EXOC6: variants seen among roughly 807,000 people sequenced by gnomAD.
EXOC6 encodes exocyst complex component 6.
Under a neutral mutation model 112.5 loss-of-function variants are expected in EXOC6, and 60 were observed. The observed-to-expected ratio is 0.53, with a 90% CI of 0.43 to 0.66. The LOEUF (loss-of-function observed/expected upper bound fraction) is 0.66, where lower values mean the gene tolerates loss of function less well. Ranked by LOEUF, EXOC6 falls within the 30% of genes least tolerant of loss-of-function variation. The probability of loss-of-function intolerance (pLI) is 0.00; values close to 1 mark genes in which losing one functional copy is unlikely to be tolerated. For synonymous variants in EXOC6, 295 were observed against 308.0 expected (o/e 0.96, Z 0.44); for missense variants, 855 against 957.1 (o/e 0.89, Z 1.41).
At chr10:92,874,448 C>G (rs534854874) in intron 1 of EXOC6, among the ~76,000 whole-genome samples, 3 of 152,154 alleles carry the variant, frequency 2.0e-5, no homozygotes, top group African/African-American at 7.2e-5. Context: ...AGATTGAGAG[C>G]TAAGATGATC....
At chr10:93,043,127 G>T (rs1267470374) in intron 20 of EXOC6, among the ~76,000 whole-genome samples, 11 of 151,910 alleles carry the variant, frequency 7.2e-5, no homozygotes, top group African/African-American at 2.7e-4. Context: ...AGTAGAGACG[G>T]GGTTTCACCA....
chr10:92,996,749 T>C (rs1843512621), intron 18 of EXOC6, among the ~76,000 whole-genome samples: 1 of 152,176 alleles, frequency 6.6e-6, no homozygotes, highest in Admixed American at 6.5e-5. Context: ...TTTTAGGAGA[T>C]TATTATAGTA....
intron 20 of EXOC6, among the ~76,000 whole-genome samples, chr10:93,055,545 T>C (rs1331910641): frequency 2.6e-5 from 4 of 152,226 alleles, no homozygotes; most frequent in African/African-American, 9.6e-5. Context: ...TCTTACCATC[T>C]GAGTGTATGA....
At chr10:92,929,161 C>G (rs1851884168) in intron 9 of EXOC6, among the ~76,000 whole-genome samples, 1 of 152,146 alleles carries the variant, frequency 6.6e-6, no homozygotes, top group Non-Finnish European at 1.5e-5. Context: ...ATTTAAAGCC[C>G]CATTATTAGG....
At chr10:92,845,667 G>A (rs1356299405), upstream of EXOC6, among the ~76,000 whole-genome samples, 4 of 152,094 alleles carry the variant, frequency 2.6e-5, no homozygotes, top group African/African-American at 4.8e-5. Flanking sequence ...GGCCGGGGAC[G>A]GTGGCTCACG....
intron 13 of EXOC6, among the ~76,000 whole-genome samples, chr10:92,944,448 C>T (rs558333228): frequency 4.6e-5 from 7 of 151,946 alleles, no homozygotes; most frequent in African/African-American, 1.7e-4. Context: ...TCTTGGCCAG[C>T]CTGGTTTCAA....
At chr10:92,917,331 C>T (rs1445295514) in intron 7 of EXOC6, among the ~76,000 whole-genome samples, 1 of 151,426 alleles carries the variant, frequency 6.6e-6, no homozygotes, top group African/African-American at 2.4e-5. Context: ...TTCGTAATGT[C>T]TTGTCATTTG....
At chr10:92,933,667 A>G (rs887587404) in intron 9 of EXOC6, among the ~76,000 whole-genome samples, 2 of 152,340 alleles carry the variant, frequency 1.3e-5, no homozygotes, top group Non-Finnish European at 2.9e-5. Flanking sequence ...ATATTTTTCT[A>G]TATGCCTTGT....
At chr10:92,923,527 A>C (rs1168918631) in intron 8 of EXOC6, among the ~76,000 whole-genome samples, 1 of 152,176 alleles carries the variant, frequency 6.6e-6, no homozygotes, top group Non-Finnish European at 1.5e-5. Flanking sequence ...CAGGGGCTGG[A>C]GGATTTGCCT....
intron 18 of EXOC6, among the ~76,000 whole-genome samples, chr10:92,976,062 C>T (rs1842584666): frequency 6.8e-6 from 1 of 147,342 alleles, no homozygotes; most frequent in African/African-American, 2.5e-5. Context: ...GGGGGTCAGC[C>T]CCCCGCCCGG....
At chr10:92,950,609 C>T (rs1839130756) in intron 14 of EXOC6, among the ~76,000 whole-genome samples, 1 of 151,810 alleles carries the variant, frequency 6.6e-6, no homozygotes, top group Non-Finnish European at 1.5e-5. Context: ...ATGCACCATG[C>T]AGAAAGGCTG....
At chr10:92,837,606 C>T (rs554084653) in intron 1 of EXOC6, among the ~76,000 whole-genome samples, 12 of 152,218 alleles carry the variant, frequency 7.9e-5, no homozygotes, top group South Asian at 2.1e-4. Flanking sequence ...AAGACTGCGG[C>T]GAGCTGTGAT....
At chr10:92,980,668 C>T (rs1397662498) in intron 18 of EXOC6, among the ~76,000 whole-genome samples, 1 of 152,124 alleles carries the variant, frequency 6.6e-6, no homozygotes, top group Non-Finnish European at 1.5e-5. Context: ...CAATTGCTAA[C>T]AGTCAGATGC....
chr10:93,007,496 C>G (rs1034481740), intron 19 of EXOC6, among the ~76,000 whole-genome samples: 12 of 151,736 alleles, frequency 7.9e-5, no homozygotes, highest in Non-Finnish European at 1.5e-4. Flanking sequence ...ATTAAAAATA[C>G]AAAAAAATTA....
intron 18 of EXOC6, among the ~76,000 whole-genome samples, chr10:92,996,734 TAG>T (rs1424600304): frequency 6.6e-6 from 1 of 152,192 alleles, no homozygotes; most frequent in Non-Finnish European, 1.5e-5. Context: ...AAAGTTCATG[TAG>T]AGTTTTAGGA....
At chr10:93,017,879 G>A (rs1158100147) in intron 20 of EXOC6, among the ~76,000 whole-genome samples, 1 of 151,544 alleles carries the variant, frequency 6.6e-6, no homozygotes, top group African/African-American at 2.4e-5. Context: ...GCGTGGTGGT[G>A]CACACCTGTA....
At chr10:92,929,343 G>A (rs1003436339) in intron 9 of EXOC6, among the ~76,000 whole-genome samples, 6 of 152,144 alleles carry the variant, frequency 3.9e-5, no homozygotes, top group Non-Finnish European at 8.8e-5. Flanking sequence ...CATCATACAT[G>A]GATAGTCAAA....
At chr10:92,935,955 A>G (rs940223968) in intron 12 of EXOC6, 70 bp downstream of exon 12, 12 of 950,050 alleles carry the variant, frequency 1.3e-5, no homozygotes, top group Admixed American at 2.4e-5. Context: ...GGCTATACTC[A>G]TTTATGTTAT....
chr10:93,008,729 T>C (rs963473862), intron 19 of EXOC6, among the ~76,000 whole-genome samples: 1 of 152,190 alleles, frequency 6.6e-6, no homozygotes, highest in Non-Finnish European at 1.5e-5. Flanking sequence ...TTATTGACTG[T>C]TTCCTAGGTG....
Sources: gnomAD v4.1 joint callset for allele counts (sites outside exome capture counted in the v4.1 genomes callset) on GRCh38, gnomAD v4.1.1 for gene constraint, MANE v1.5 for transcripts, NCBI Gene and HGNC (gene_info 2026-07-23, HGNC 2026-07-21) for gene names.